Variants in PXK observed in about 807,000 individuals in gnomAD.
PXK encodes the protein PX domain containing serine/threonine kinase like, also known as PX domain-containing protein kinase-like protein.
A neutral mutation model predicts 84.7 loss-of-function variants in PXK; 35 were observed. The observed-to-expected ratio is 0.41, with a 90% CI of 0.32 to 0.55. The LOEUF (loss-of-function observed/expected upper bound fraction) is 0.55. PXK is among the 20% of genes least tolerant of loss of function. PXK has a pLI of 0.21. For missense variants in PXK, 634 were observed against 699.7 expected, an observed-to-expected ratio of 0.91 and a Z score of 1.06; for synonymous variants, 253 against 260.8, an observed-to-expected ratio of 0.97 and a Z score of 0.29.
At position 58,348,013 on chromosome 3, in the gene PXK, A is replaced by C. The variant is rs1040117462; in HGVS notation, c.102+14923A>C. Among the ~76,000 whole-genome samples, 3 of 152,100 alleles carry C rather than the reference A, an allele frequency of 2.0e-5. No homozygotes were observed. In the South Asian group the frequency reaches 6.2e-4, roughly 32 times the overall value. ...ACCGCAACCTTCACCTCCCGGGTTC[A>C]AGTGATTTTCCTGCCTCCCAAGTAG... On this transcript the variant is annotated intron_variant, in intron 1 of 17. Coordinates refer to ENST00000356151, the MANE Select transcript of PXK (RefSeq NM_017771.5).
Position 58,421,307 on chromosome 3 carries a change from C to T in PXK, c.1529-3445C>T, listed in dbSNP as rs770152710. 7.3e-5 allele frequency: 72 copies of T among 984,928 alleles called. No homozygotes were observed. The South Asian group carries it at 1.2e-3, about 16-fold the overall frequency. 61.0% of individuals were successfully genotyped at this position (984,928 alleles called of 1,614,324 possible). A position where few individuals can be genotyped will look rare whatever the true frequency, so the allele number is the denominator to read the frequency against. On this transcript the variant is annotated intron_variant, in intron 17 of 17. Transcript: ENST00000356151. The surrounding 1 kb of genome is among the most constrained non-coding windows in gnomAD (Gnocchi z 5.5). ...AGAGTCGGTGGGGAAGGGAGCCAGGCGCAGTGGCTCACATCTATAATCTCA... is the reference window on the plus strand; with the variant it reads ...AGAGTCGGTGGGGAAGGGAGCCAGGTGCAGTGGCTCACATCTATAATCTCA...
intron 1 of PXK, among the ~76,000 whole-genome samples, chr3:58,356,037 G>C (rs4254630): frequency 6.6e-6 from 1 of 152,208 alleles, no homozygotes; most frequent in South Asian, 2.1e-4. Context: ...TAGGGGCTTA[G>C]CAAAATTCCC....
At chr3:58,360,642 G>A (rs1266207232) in intron 1 of PXK, among the ~76,000 whole-genome samples, 2 of 151,888 alleles carry the variant, frequency 1.3e-5, no homozygotes, top group African/African-American at 4.8e-5. Context: ...GACCAGCCTG[G>A]GCAACATGGT....
chr3:58,340,911 A>G (rs987155430), intron 1 of PXK, among the ~76,000 whole-genome samples: 2 of 151,736 alleles, frequency 1.3e-5, no homozygotes, highest in African/African-American at 4.8e-5. Context: ...AATGGATCCC[A>G]TTTTAGAAGT....
intron 13 of PXK, among the ~76,000 whole-genome samples, 185 bp from the exon 14 acceptor site, chr3:58,408,739 G>T (rs2059750923): frequency 6.6e-6 from 1 of 152,034 alleles, no homozygotes; most frequent in Non-Finnish European, 1.5e-5. Context: ...AGCCAGGATG[G>T]TCTCCATCTC....
chr3:58,372,755 T>C (rs974173260), intron 3 of PXK, among the ~76,000 whole-genome samples: 6 of 151,696 alleles, frequency 4.0e-5, no homozygotes, highest in African/African-American at 1.5e-4. Flanking sequence ...ACCTCCCGAG[T>C]AGCTGAGATT....
chr3:58,385,054 C>T lies in PXK; in HGVS notation c.388+2354C>T, dbSNP rs957329683. On this transcript the variant is annotated intron_variant, in intron 4 of 17. Transcript: ENST00000356151. The surrounding 1 kb of genome is among the most constrained non-coding windows in gnomAD (Gnocchi z 5.1). ...TGTAACTCCTAGAAGGTTGTCTATT[C>T]TGACAGTTGTTGGTTCTCTGCTTTT... Among the ~76,000 whole-genome samples, 10 of 152,170 alleles carry T rather than the reference C, an allele frequency of 6.6e-5. No individual in the cohort carries two copies. The highest frequency in any genetic ancestry group is 2.4e-4 in the African/African-American group (10 of 41,430).
At position 58,425,253 on chromosome 3, in the gene PXK, C is replaced by A; in HGVS notation, c.*293C>A. The A allele has an allele frequency of 2.9e-6, 1 of 345,988 alleles. No individual in the cohort carries two copies. Among genetic ancestry groups the A allele is most frequent in the Non-Finnish European group, 5.4e-6 (1 of 184,676 alleles). 21.4% of individuals were successfully genotyped at this position (345,988 alleles called of 1,614,324 possible). ...ACAGCAGCATATTGAAATATTTTCA[C>A]CAACTAAAGGAAATAGACAGAAAAA... On this transcript the variant is annotated 3_prime_UTR_variant, in exon 18 of 18. Coordinates refer to ENST00000356151, the MANE Select transcript of PXK (RefSeq NM_017771.5).
At chr3:58,352,532 T>C (rs753169354) in intron 1 of PXK, among the ~76,000 whole-genome samples, 9 of 152,372 alleles carry the variant, frequency 5.9e-5, no homozygotes, top group Middle Eastern at 3.4e-3. Flanking sequence ...TTATATTTCG[T>C]TTTTAATTAC....
At position 58,340,481 on chromosome 3, in the gene PXK, CT is replaced by C. The variant is rs544196907; in HGVS notation, c.102+7394del. On this transcript the variant is annotated intron_variant, in intron 1 of 17. Transcript: ENST00000356151. ...GTGGCTCACACCTGTAATCCCAGCA[CT>C]TTGGGAGGCTGAGGTGGATGGATCA... Among the ~76,000 whole-genome samples the C allele has an allele frequency of 1.9e-4, 29 of 151,304 alleles. No individual in the cohort carries two copies. The South Asian group carries it at 6.1e-3, about 32-fold the overall frequency.
At chr3:58,336,071 A>ATATATATATATATATATTTTTT (rs1284780630) in intron 1 of PXK, among the ~76,000 whole-genome samples, 1 of 51,572 alleles carries the variant, frequency 1.9e-5, no homozygotes, top group Non-Finnish European at 3.3e-5. Flanking sequence ...ATATATATAT[A>ATATATATATATATATATTTTTT]TTTTTTTTTT....
chr3:58,423,720 CAG>C (rs574468828), intron 17 of PXK, among the ~76,000 whole-genome samples: 88 of 152,332 alleles, frequency 5.8e-4, no homozygotes, highest in African/African-American at 1.8e-3. Context: ...CAGCATCTGA[CAG>C]AGTCTCAGAG....
At chr3:58,369,362 C>T (rs1173672456) in intron 2 of PXK, 69 bp from the exon 3 acceptor site, 2 of 1,240,298 alleles carry the variant, frequency 1.6e-6, no homozygotes, top group African/African-American at 1.5e-5. Context: ...AATTCTAATA[C>T]ATATTAAATA....
At position 58,401,783 on chromosome 3, in the gene PXK, C is replaced by T. The variant is rs533191656; in HGVS notation, c.1182-2079C>T. On this transcript the variant is annotated intron_variant, in intron 12 of 17. Transcript: ENST00000356151. The surrounding 1 kb of genome is among the most constrained non-coding windows in gnomAD (Gnocchi z 4.4). ...CTACTAAAAATGCAAAAAAATTAGC[C>T]GAGCGTGGTGGCGGGCGTCTGTAGT... 6.6e-5 allele frequency among the ~76,000 whole-genome samples: 10 copies of T among 151,934 alleles called. No individual in the cohort carries two copies. The highest frequency in any genetic ancestry group is 1.7e-4 in the African/African-American group (7 of 41,414).
chr3:58,355,188 CAAATT>C (rs1341967104), intron 1 of PXK, among the ~76,000 whole-genome samples: 1 of 151,360 alleles, frequency 6.6e-6, no homozygotes, highest in African/African-American at 2.4e-5. Context: ...CCAGGCCAGA[CAAATT>C]AAATCAGAAT....
chr3:58,423,036 C>G (rs2062166245), intron 17 of PXK: 1 of 985,274 alleles, frequency 1.0e-6, no homozygotes, highest in African/African-American at 1.7e-5. Flanking sequence ...CTGGCACCTA[C>G]TTACCCCCAA....
intron 1 of PXK, among the ~76,000 whole-genome samples, chr3:58,342,111 C>G (rs2097745028): frequency 6.6e-6 from 1 of 152,076 alleles, no homozygotes; most frequent in South Asian, 2.1e-4. Context: ...TTAATATAAA[C>G]ACCTGATTAC....
At chr3:58,403,074 G>A (rs1024019582) in intron 12 of PXK, among the ~76,000 whole-genome samples, 7 of 150,924 alleles carry the variant, frequency 4.6e-5, no homozygotes, top group South Asian at 2.1e-4. Context: ...GTGCAATGTC[G>A]GTTCACTGCA....
intron 1 of PXK, among the ~76,000 whole-genome samples, chr3:58,339,217 G>T (rs1022149436): frequency 5.1e-5 from 7 of 137,994 alleles, no homozygotes; most frequent in African/African-American, 2.0e-4. Flanking sequence ...TTTTGTGGGG[G>T]GTTTTTTTTT....
Sources: gnomAD v4.1 joint callset for allele counts (sites outside exome capture counted in the v4.1 genomes callset) on GRCh38, gnomAD v4.1.1 for gene constraint, Gnocchi (gnomAD v3.1) non-coding constraint, MANE v1.5 for transcripts, NCBI Gene and HGNC (gene_info 2026-07-23, HGNC 2026-07-21) for gene names.